TBL1XR1: variants seen among roughly 807,000 people sequenced by gnomAD.
The protein encoded by TBL1XR1 is TBL1X/Y related 1, also known as F-box-like/WD repeat-containing protein TBL1XR1.
Under a neutral mutation model 66.9 loss-of-function variants are expected in TBL1XR1, and 5 were observed. The ratio of observed to expected loss-of-function variants is 0.07; its 90% CI spans 0.04 to 0.16. TBL1XR1 has a LOEUF of 0.16. Among genes scored for constraint, TBL1XR1 ranks in the 10% least tolerant of loss-of-function variants. TBL1XR1 has a pLI of 1.00. For synonymous variants in TBL1XR1, 210 were observed against 206.0 expected (o/e 1.02, Z -0.17); for missense variants, 238 against 623.2 (o/e 0.38, Z 6.58).
At chr3:177,035,497 T>TC (rs1348796123) in intron 12 of TBL1XR1, among the ~76,000 whole-genome samples, 1 of 148,580 alleles carries the variant, frequency 6.7e-6, no homozygotes, top group Non-Finnish European at 1.5e-5. Flanking sequence ...TCACTGCAAC[T>TC]CCGTCCCCCG....
At chr3:177,143,906 C>T (rs1466994009) in intron 1 of TBL1XR1, among the ~76,000 whole-genome samples, 6 of 152,122 alleles carry the variant, frequency 3.9e-5, no homozygotes, top group Admixed American at 1.3e-4. Context: ...CACAGATATA[C>T]GAGGACAGTG....
intron 1 of TBL1XR1, among the ~76,000 whole-genome samples, chr3:177,116,511 CCTA>C (rs1299408554): frequency 1.3e-5 from 2 of 152,206 alleles, no homozygotes; most frequent in Non-Finnish European, 2.9e-5. Flanking sequence ...TCACTCACAT[CCTA>C]CTAACCATTG....
At chr3:177,099,937 T>C (rs924380373) in intron 1 of TBL1XR1, among the ~76,000 whole-genome samples, 5 of 152,268 alleles carry the variant, frequency 3.3e-5, no homozygotes, top group Non-Finnish European at 7.3e-5. Flanking sequence ...CTAAATAATG[T>C]GTATTTTAAA....
chr3:177,089,870 A>G (rs1332155280), intron 2 of TBL1XR1, among the ~76,000 whole-genome samples: 1 of 152,266 alleles, frequency 6.6e-6, no homozygotes, highest in African/African-American at 2.4e-5. Flanking sequence ...GTTATAAAAT[A>G]AATGAAAAGA....
At chr3:177,138,241 G>C (rs751430297) in intron 1 of TBL1XR1, among the ~76,000 whole-genome samples, 2 of 152,198 alleles carry the variant, frequency 1.3e-5, no homozygotes, top group African/African-American at 4.8e-5. Flanking sequence ...CCTGTGAACA[G>C]AGATGCTGAT....
chr3:177,118,492 T>C (rs561354630), intron 1 of TBL1XR1, among the ~76,000 whole-genome samples: 46 of 152,230 alleles, frequency 3.0e-4, no homozygotes, highest in African/African-American at 1.1e-3. Context: ...ACTCACCCTT[T>C]CACTGATCAA....
At chr3:177,115,620 ACT>A (rs1027222752) in intron 1 of TBL1XR1, among the ~76,000 whole-genome samples, 1 of 151,774 alleles carries the variant, frequency 6.6e-6, no homozygotes, top group Non-Finnish European at 1.5e-5. Flanking sequence ...GCCTCATTCC[ACT>A]CTTTCCCCGC....
At chr3:177,168,978 C>G (rs1733147016) in intron 1 of TBL1XR1, among the ~76,000 whole-genome samples, 1 of 152,144 alleles carries the variant, frequency 6.6e-6, no homozygotes, top group South Asian at 2.1e-4. Flanking sequence ...TCATCTTAGA[C>G]TAAGTGATTA....
chr3:177,030,167 A>C (rs1713764732), intron 14 of TBL1XR1, among the ~76,000 whole-genome samples: 1 of 151,766 alleles, frequency 6.6e-6, no homozygotes, highest in Non-Finnish European at 1.5e-5. Context: ...CACACAGAGA[A>C]GCGTTAGAGA....
At chr3:177,197,874 G>C (rs1737121688), upstream of TBL1XR1, among the ~76,000 whole-genome samples, 1 of 148,430 alleles carries the variant, frequency 6.7e-6, no homozygotes, top group South Asian at 2.1e-4. Context: ...GCCGCGGGCC[G>C]GCCTGGGTGT....
At chr3:177,194,654 T>C (rs1388437697) in intron 1 of TBL1XR1, among the ~76,000 whole-genome samples, 2 of 152,006 alleles carry the variant, frequency 1.3e-5, no homozygotes, top group African/African-American at 2.4e-5. Flanking sequence ...AAAAGGTCTA[T>C]TAATACATTT....
chr3:177,150,808 G>A lies in TBL1XR1; in HGVS notation c.-122+46313C>T, dbSNP rs1281167233. ...ACATAATTCCAGTTAAGGTAAGCCT[G>A]GAAGGTAATAGAGTGAGGTATTAAT... On this transcript the variant is annotated intron_variant, in intron 1 of 15. Coordinates refer to ENST00000457928, the MANE Select transcript of TBL1XR1 (RefSeq NM_024665.7). Among the ~76,000 whole-genome samples, 4 of 152,110 alleles carry A rather than the reference G, an allele frequency of 2.6e-5. 1 individual carries two copies. Among genetic ancestry groups the A allele is most frequent in the Non-Finnish European group, 5.9e-5 (4 of 68,020 alleles).
At chr3:177,185,813 G>A (rs1735336789) in intron 1 of TBL1XR1, among the ~76,000 whole-genome samples, 1 of 152,052 alleles carries the variant, frequency 6.6e-6, no homozygotes, top group Non-Finnish European at 1.5e-5. Flanking sequence ...AGACCAGCCT[G>A]AGCAACATAG....
chr3:177,048,793 A>G (rs1414824433), intron 7 of TBL1XR1, among the ~76,000 whole-genome samples: 1 of 152,222 alleles, frequency 6.6e-6, no homozygotes, highest in Non-Finnish European at 1.5e-5. Context: ...AAAAGCCCAC[A>G]CTTTTCAAAA....
At chr3:177,031,925 ACCCAG>A (rs922421888) in intron 14 of TBL1XR1, among the ~76,000 whole-genome samples, 8 of 152,090 alleles carry the variant, frequency 5.3e-5, no homozygotes, top group African/African-American at 1.9e-4. Context: ...ACAATGAATA[ACCCAG>A]TTGAAAATAA....
At position 177,102,762 on chromosome 3, in the gene TBL1XR1, G is replaced by A. The variant is rs188425422; in HGVS notation, c.-121-4221C>T. Among the ~76,000 whole-genome samples, 9 of 152,194 alleles carry A rather than the reference G, an allele frequency of 5.9e-5. No homozygotes were observed. In the East Asian group the frequency reaches 1.4e-3, roughly 23 times the overall value. ...TTACCAGAAATGTCCTTCTGACTAC[G>A]GTTCTGCTCACAAATCTTCCTATCC... is the stretch of plus-strand genomic sequence containing the variant. On this transcript the variant is annotated intron_variant, in intron 1 of 15. Transcript: ENST00000457928.
At chr3:177,135,672 G>A (rs564370041) in intron 1 of TBL1XR1, among the ~76,000 whole-genome samples, 2 of 151,952 alleles carry the variant, frequency 1.3e-5, no homozygotes, top group South Asian at 4.2e-4. Context: ...GTGAGCCACC[G>A]CACCTGGCCC....
At chr3:177,177,848 A>G (rs1350179217) in intron 1 of TBL1XR1, among the ~76,000 whole-genome samples, 2 of 152,092 alleles carry the variant, frequency 1.3e-5, no homozygotes, top group Admixed American at 6.6e-5. Flanking sequence ...CCCTGTTCTC[A>G]TGCAGTTTAA....
chr3:177,098,621 T>C (rs896086551), intron 1 of TBL1XR1, 80 bp from the exon 2 acceptor site: 8 of 737,068 alleles, frequency 1.1e-5, no homozygotes, highest in Non-Finnish European at 1.3e-5. Context: ...AAATGTTACA[T>C]GTTTGAAATA....
Sources: gnomAD v4.1 joint callset for allele counts (sites outside exome capture counted in the v4.1 genomes callset) on GRCh38, gnomAD v4.1.1 for gene constraint, MANE v1.5 for transcripts, NCBI Gene and HGNC (gene_info 2026-07-23, HGNC 2026-07-21) for gene names.